Variants in R3HDM2 observed in about 807,000 individuals in gnomAD.
R3HDM2 encodes the protein R3H domain-containing protein 2.
R3HDM2 carries 38 observed loss-of-function variants against 124.5 expected under a neutral mutation model. The ratio of observed to expected loss-of-function variants is 0.31; its 90% CI spans 0.24 to 0.40. The LOEUF is 0.40. Ranked by LOEUF, R3HDM2 falls within the 10% of genes least tolerant of loss-of-function variation. R3HDM2 has a pLI of 1.00. For synonymous variants in R3HDM2, 391 were observed against 448.0 expected, an observed-to-expected ratio of 0.87 and a Z score of 1.61; for missense variants, 869 against 1,236.9, an observed-to-expected ratio of 0.70 and a Z score of 4.46.
intron 2 of R3HDM2, among the ~76,000 whole-genome samples, chr12:57,320,577 T>C (rs1281911318): frequency 1.3e-5 from 2 of 152,014 alleles, no homozygotes; most frequent in Non-Finnish European, 2.9e-5. Flanking sequence ...ACTCAGTAGC[T>C]CAAAGCTGCA....
chr12:57,373,015 C>T lies in R3HDM2; in HGVS notation c.-36+22734G>A, dbSNP rs576141880. ...CTTGAGGCCAGGAGATTGATACTAG[C>T]CTGGGCAATGTAGTGAGACCCCCAT... On this transcript the variant is annotated intron_variant, in intron 2 of 23. Transcript: ENST00000402412. 2.0e-4 allele frequency among the ~76,000 whole-genome samples: 30 copies of T among 152,292 alleles called. 2 individuals are homozygous for T. The highest frequency in any genetic ancestry group is 7.2e-4 in the African/African-American group (30 of 41,560).
At chr12:57,287,335 C>A (rs2047574695) in intron 12 of R3HDM2, among the ~76,000 whole-genome samples, 1 of 152,152 alleles carries the variant, frequency 6.6e-6, no homozygotes, top group Admixed American at 6.5e-5. Flanking sequence ...TGATCTATGA[C>A]CCCGAAGTGT....
intron 1 of R3HDM2, among the ~76,000 whole-genome samples, chr12:57,397,150 T>C (rs1342592433): frequency 1.3e-5 from 2 of 152,018 alleles, no homozygotes; most frequent in Non-Finnish European, 2.9e-5. Context: ...TCTCTCTTAA[T>C]AGATGAGAAG....
chr12:57,430,221 A>C (rs1869417468), intron 1 of R3HDM2, among the ~76,000 whole-genome samples: 1 of 152,126 alleles, frequency 6.6e-6, no homozygotes. Context: ...CAGGGGCTCG[A>C]GTAGTTATGA....
chr12:57,358,597 T>C (rs1417386011), intron 2 of R3HDM2, among the ~76,000 whole-genome samples: 1 of 149,516 alleles, frequency 6.7e-6, no homozygotes, highest in East Asian at 2.0e-4. Flanking sequence ...TGAGCCAAGA[T>C]GGCACCATTG....
At chr12:57,330,913 T>C (rs1037321376) in intron 2 of R3HDM2, among the ~76,000 whole-genome samples, 2 of 149,842 alleles carry the variant, frequency 1.3e-5, no homozygotes, top group East Asian at 2.0e-4. Context: ...GTTAGCCAGA[T>C]GGTCTCGATC....
chr12:57,358,924 TC>T (rs1317437039), intron 2 of R3HDM2, among the ~76,000 whole-genome samples: 2 of 143,322 alleles, frequency 1.4e-5, no homozygotes, highest in Non-Finnish European at 3.1e-5. Context: ...TAAATTTTTT[TC>T]TTTTTTTTTT....
At chr12:57,299,288 G>C in intron 6 of R3HDM2, 64 bp downstream of exon 6, 1 of 1,468,404 alleles carries the variant, frequency 6.8e-7, no homozygotes, top group Non-Finnish European at 9.3e-7. Context: ...GCAGGTGCCA[G>C]GCTTCAGGAT....
At chr12:57,430,696 C>G in intron 1 of R3HDM2, 24 bp downstream of exon 1, 1 of 626,280 alleles carries the variant, frequency 1.6e-6, no homozygotes, top group Non-Finnish European at 2.0e-6. Flanking sequence ...GCCGCCCGCC[C>G]CCTCGGCCGG....
chr12:57,300,967 G>T (rs891681562), intron 4 of R3HDM2, among the ~76,000 whole-genome samples: 1 of 151,888 alleles, frequency 6.6e-6, no homozygotes. Flanking sequence ...AGCTGGCCAT[G>T]GTAGCACATG....
chr12:57,371,646 G>T (rs1048157655), intron 2 of R3HDM2, among the ~76,000 whole-genome samples: 6 of 152,064 alleles, frequency 3.9e-5, no homozygotes, highest in African/African-American at 1.2e-4. Flanking sequence ...TTCTCATAGG[G>T]ATTTCTCTTT....
intron 2 of R3HDM2, among the ~76,000 whole-genome samples, chr12:57,359,203 C>A (rs1429929291): frequency 6.6e-6 from 1 of 152,132 alleles, no homozygotes; most frequent in Non-Finnish European, 1.5e-5. Context: ...AGGCGTGAAC[C>A]ACCGCGCCCA....
chr12:57,383,929 G>T (rs77521820), intron 2 of R3HDM2, among the ~76,000 whole-genome samples: 7,303 of 152,156 alleles, frequency 0.048, 226 homozygotes, highest in Non-Finnish European at 0.068. Flanking sequence ...ACTGTATTAT[G>T]TTAAGGGCTA....
chr12:57,342,854 C>A (rs142952953), intron 2 of R3HDM2, among the ~76,000 whole-genome samples: 1 of 152,112 alleles, frequency 6.6e-6, no homozygotes, highest in African/African-American at 2.4e-5. Context: ...TTCTTGCCAG[C>A]GAGCTATATT....
chr12:57,327,253 G>C (rs1040219501), intron 2 of R3HDM2, among the ~76,000 whole-genome samples: 12 of 152,042 alleles, frequency 7.9e-5, no homozygotes, highest in African/African-American at 2.9e-4. Flanking sequence ...GATCACCTGA[G>C]GTTAGGAGTT....
In R3HDM2 at chr12:57,280,400, C is replaced by T. The variant is rs749647792; in HGVS notation, c.1302G>A (p.Thr434=). 15 of 1,613,838 alleles carry T rather than the reference C, an allele frequency of 9.3e-6. No individual in the cohort carries two copies. Among genetic ancestry groups the T allele is most frequent in the South Asian group, 3.3e-5 (3 of 91,074 alleles). ...QQQQLPALPP[T]PQQQPPLNNH... ...TATTCAAGGGTGGCTGTTGCTGAGG[C>T]GTGGGTGGGAGAGCAGGAAGTTGCT... The change falls in exon 14 of 24, where the codon ACG becomes ACA. Residue 434 remains threonine, a synonymous_variant. Coordinates refer to ENST00000402412, the MANE Select transcript of R3HDM2 (RefSeq NM_001394031.1).
intron 14 of R3HDM2, among the ~76,000 whole-genome samples, chr12:57,280,053 G>T (rs2045785350): frequency 6.6e-6 from 1 of 152,154 alleles, no homozygotes; most frequent in Admixed American, 6.5e-5. Flanking sequence ...ATTACACATG[G>T]ACATAGAGGG....
At chr12:57,317,987 C>A (rs12304306) in intron 2 of R3HDM2, among the ~76,000 whole-genome samples, 9,614 of 64,856 alleles carry the variant, frequency 0.15, 1,060 homozygotes, top group African/African-American at 0.3. Context: ...CCCCGCCCCC[C>A]CAAAAAAAAA....
At chr12:57,410,691 G>A (rs2068931340) in intron 1 of R3HDM2, among the ~76,000 whole-genome samples, 2 of 152,080 alleles carry the variant, frequency 1.3e-5, no homozygotes, top group African/African-American at 2.4e-5. Flanking sequence ...TGTCTCTGCA[G>A]AAAAATTAAA....
Sources: allele counts gnomAD v4.1 joint callset (sites outside exome capture counted in the v4.1 genomes callset), GRCh38; gene constraint gnomAD v4.1.1; transcripts MANE v1.5; gene names NCBI Gene and HGNC (gene_info 2026-07-23, HGNC 2026-07-21).